The following CHRD variants were observed in gnomAD, a reference collection of about 807,000 sequenced individuals.
CHRD encodes chordin.
CHRD carries 69 observed loss-of-function variants against 113.7 expected under a neutral mutation model. The observed-to-expected ratio is 0.61, with a 90% CI of 0.50 to 0.74. The LOEUF is 0.74. Ranked by LOEUF, CHRD falls within the 30% of genes least tolerant of loss-of-function variation. The pLI, the probability that CHRD is intolerant of heterozygous loss-of-function variation, is 0.00. For synonymous variants in CHRD, 561 were observed against 540.8 expected, an observed-to-expected ratio of 1.04 and a Z score of -0.52; for missense variants, 1,194 against 1,295.8, an observed-to-expected ratio of 0.92 and a Z score of 1.21.
rs199859929 is a variant in CHRD, at chr3:184,387,404, G to A, written c.2378G>A (p.Arg793Gln). ...TATTTTGATGGTGACCGGAGCTGGC[G>A]GGCAGCGGGTACGCGGTGGCACCCC... The change falls in exon 19 of 23, where the codon CGG (arginine) becomes CAG (glutamine). Residue 793 changes from arginine to glutamine, a missense_variant. Arg to Gln is a conservative substitution (Grantham distance 43, BLOSUM62 1). Transcript: ENST00000204604. This position sits in a 1 kb window ranked among gnomAD's most constrained non-coding sequence, Gnocchi z 6.1. The A allele has an allele frequency of 1.2e-5, 20 of 1,612,770 alleles. No individual in the cohort carries two copies. Among genetic ancestry groups the A allele is most frequent in the African/African-American group, 4.0e-5 (3 of 74,894 alleles).
In CHRD at chr3:184,380,712, G is replaced by T; in HGVS notation, c.169G>T (p.Val57Phe). ...CGCAGGCTGCACCTTCGGCGGGAAG[G>T]TCTATGCCTTGGACGAGACGTGGCA... is the stretch of plus-strand genomic sequence containing the variant. Residue 57 changes from valine (V) to phenylalanine (F), a missense_variant, in exon 2 of 23, where the codon GTC becomes TTC. Transcript: ENST00000204604. The surrounding 1 kb of genome is among the most constrained non-coding windows in gnomAD (Gnocchi z 6.3). 6.3e-7 allele frequency: 1 copy of T among 1,596,880 alleles called. No homozygotes were observed. The highest frequency in any genetic ancestry group is 1.1e-5 in the South Asian group (1 of 89,730).
intron 14 of CHRD, among the ~76,000 whole-genome samples, chr3:184,385,828 G>T (rs528092626): frequency 6.6e-6 from 1 of 152,166 alleles, no homozygotes; most frequent in East Asian, 1.9e-4. Context: ...ACCTCAGGGG[G>T]GTAGGTGGGA....
chr3:184,387,474 C>T lies in CHRD; in HGVS notation c.2448C>T (p.Cys816=), dbSNP rs1163035184. 1.2e-6 allele frequency: 2 copies of T among 1,604,140 alleles called. No homozygotes were observed. Among genetic ancestry groups the T allele is most frequent in the Non-Finnish European group, 1.7e-6 (2 of 1,175,686 alleles). ...TAATTAAGTGTGCTGTCTGCACCTG[C>T]AAGGTATGGCCACCCAATCTTCTCT... The change falls in exon 19 of 23, where the codon TGC becomes TGT. Residue 816 remains cysteine, a synonymous_variant. Coordinates refer to ENST00000204604, the Ensembl canonical transcript of CHRD. The surrounding 1 kb of genome is among the most constrained non-coding windows in gnomAD (Gnocchi z 6.1).
rs891483267 is a variant in CHRD, at chr3:184,387,555, G to A, written c.2451+78G>A. The stretch of plus-strand genomic sequence containing the variant: ...TGGGGAGGGGCTGCCAGGTGAGGAA[G>A]GCCCGTCCTTGGTGAGGAGGGCTCA... On this transcript the variant is annotated intron_variant, in intron 19 of 22. Coordinates refer to ENST00000204604, the Ensembl canonical transcript of CHRD. The surrounding 1 kb of genome is among the most constrained non-coding windows in gnomAD (Gnocchi z 6.1). 116 of 1,343,414 alleles carry A rather than the reference G, an allele frequency of 8.6e-5. 1 individual carries two copies. In the Middle Eastern group the frequency reaches 1.7e-3, roughly 20 times the overall value. The allele number at this position is 1,343,414 out of a possible 1,614,324, so 83.2% of individuals were successfully genotyped here.
In CHRD at chr3:184,388,429, A is replaced by ATCCATCCATCCG. The variant is rs1481346086; in HGVS notation, c.2555-155_2555-154insATCCATCCGTCC. Among the ~76,000 whole-genome samples the ATCCATCCATCCG allele has an allele frequency of 6.7e-6, 1 of 149,118 alleles. No homozygotes were observed. The highest frequency in any genetic ancestry group is 2.6e-5 in the African/African-American group (1 of 39,172). ...CATCCATCCATCCATCCATCCATCC[A>ATCCATCCATCCG]TCCGTCCCTTCATCCATCCATTCAT... On this transcript the variant is annotated intron_variant, in intron 20 of 22. Coordinates refer to ENST00000204604, the Ensembl canonical transcript of CHRD. This position sits in a 1 kb window ranked among gnomAD's most constrained non-coding sequence, Gnocchi z 6.1.
At chr3:184,389,323 ACTCCCTCTCCC>A in intron 22 of CHRD, 33 bp from the exon 23 acceptor site, 1 of 1,588,022 alleles carries the variant, frequency 6.3e-7, no homozygotes, top group Non-Finnish European at 8.6e-7. Flanking sequence ...GTGCCTCTCC[ACTCCCTCTCCC>A]CTCCTCCAAC....
chr3:184,380,442 C>T lies in CHRD; in HGVS notation c.124C>T (p.Pro42Ser). ...GCTGCCCATCCGTTCTGAGAAGGAG[C>T]CGCTGCCCGTTCGGGGAGCGGCAGG... is the stretch of plus-strand genomic sequence containing the variant. The change falls in exon 1 of 23, where the codon CCG (proline) becomes TCG (serine). Residue 42 changes from proline (P) to serine (S), a missense_variant. Physicochemically the swap from Pro to Ser is moderately conservative, Grantham distance 74. Coordinates refer to ENST00000204604, the Ensembl canonical transcript of CHRD. The surrounding 1 kb of genome is among the most constrained non-coding windows in gnomAD (Gnocchi z 6.3). 1.6e-6 allele frequency: 2 copies of T among 1,248,566 alleles called. No homozygotes were observed. Among genetic ancestry groups the T allele is most frequent in the African/African-American group, 1.6e-5 (1 of 62,464 alleles). 77.3% of individuals were successfully genotyped at this position (1,248,566 alleles called of 1,614,324 possible).
chr3:184,382,441 C>T (rs777411613), exon 7 of CHRD: 2 of 1,614,074 alleles, frequency 1.2e-6, no homozygotes, highest in South Asian at 1.1e-5. Flanking sequence ...CTCCTTAGGG[C>T]AGAACAGCTG....
Position 184,380,394 on chromosome 3 carries a change from G to A in CHRD, c.76G>A (p.Gly26Ser). The A allele has an allele frequency of 7.5e-7, 1 of 1,341,784 alleles. No homozygotes were observed. Among genetic ancestry groups the A allele is most frequent in the Non-Finnish European group, 9.6e-7 (1 of 1,037,320 alleles). 83.1% of individuals were successfully genotyped at this position (1,341,784 alleles called of 1,614,324 possible). ...GCTGCTCGGCTCCCGGCCGGCCCGC[G>A]GCGCCGGCCCAGAGCCCCCCGTGCT... The change falls in exon 1 of 23, where the codon GGC becomes AGC. Residue 26 changes from glycine to serine, a missense_variant. Coordinates refer to ENST00000204604, the Ensembl canonical transcript of CHRD. The surrounding 1 kb of genome is among the most constrained non-coding windows in gnomAD (Gnocchi z 6.3).
At chr3:184,386,597 C>T (rs1244033201) in exon 16 of CHRD, 2 of 1,601,190 alleles carry the variant, frequency 1.2e-6, no homozygotes, top group East Asian at 4.5e-5. Flanking sequence ...TGCTGCGCCG[C>T]CTGTGGTGCC....
Position 184,381,034 on chromosome 3 carries a change from C to T in CHRD, c.253-201C>T. On this transcript the variant is annotated intron_variant, in intron 2 of 22. Coordinates refer to ENST00000204604, the Ensembl canonical transcript of CHRD. This position sits in a 1 kb window ranked among gnomAD's most constrained non-coding sequence, Gnocchi z 4.7. ...TTCCCTGCTCATCTAACTCTCATGG[C>T]AGCCTTGCTAGATAGAGAGTATTAT... 1.3e-6 allele frequency: 1 copy of T among 754,964 alleles called. No homozygotes were observed. The highest frequency in any genetic ancestry group is 1.5e-5 in the South Asian group (1 of 67,832). 46.8% of individuals were successfully genotyped at this position (754,964 alleles called of 1,614,324 possible).
In CHRD at chr3:184,384,384, G is replaced by A. The variant is rs1715957492; in HGVS notation, c.1441-153G>A. ...TGTTACATAGCTAGGAAGCAGCAGG[G>A]GAGGGCCTTGAAACTGGGCCTGCCA... On this transcript the variant is annotated intron_variant, in intron 12 of 22. Coordinates refer to ENST00000204604, the Ensembl canonical transcript of CHRD. The surrounding 1 kb of genome is among the most constrained non-coding windows in gnomAD (Gnocchi z 4.4). 6.6e-6 allele frequency among the ~76,000 whole-genome samples: 1 copy of A among 152,204 alleles called. No homozygotes were observed. Among genetic ancestry groups the A allele is most frequent in the Admixed American group, 6.5e-5 (1 of 15,286 alleles).
rs1470883308 is a variant in CHRD, at chr3:184,381,557, G to A, written c.444G>A (p.Glu148=). The A allele has an allele frequency of 1.9e-6, 3 of 1,609,032 alleles. No homozygotes were observed. In the South Asian group the frequency reaches 3.3e-5, roughly 18 times the overall value. ...CCTTCGAGTATCCGCGGGACCCGGA[G>A]CATCGCAGTTATAGCGACCGCGGGG... is the stretch of plus-strand genomic sequence containing the variant. Residue 148 remains glutamate, a synonymous_variant, in exon 4 of 23, where the codon GAG becomes GAA. Transcript: ENST00000204604. The surrounding 1 kb of genome is among the most constrained non-coding windows in gnomAD (Gnocchi z 4.7).
rs375176972 is a variant in CHRD at position 184,383,179 on chromosome 3, G to A, written c.1213+16G>A. 4.4e-6 allele frequency: 7 copies of A among 1,593,832 alleles called. No homozygotes were observed. Among genetic ancestry groups the A allele is most frequent in the African/African-American group, 2.7e-5 (2 of 74,652 alleles). ...AGCTGCGACGGTGAGGCGGGGGGGG[G>A]GCCTGGTGCGCCGGGCATGCACAAC... On this transcript the variant is annotated intron_variant, in intron 10 of 22. Transcript: ENST00000204604.
At position 184,388,919 on chromosome 3, in the gene CHRD, T is replaced by C; in HGVS notation, c.2736T>C (p.Asp912=). Residue 912 remains aspartate, a synonymous_variant, in exon 22 of 23, where the codon GAT becomes GAC. Transcript: ENST00000204604. This position sits in a 1 kb window ranked among gnomAD's most constrained non-coding sequence, Gnocchi z 6.1. ...CAGGGGTGCCTCACTGTGAGCGGGA[T>C]GACTGTTCACTGCCACTGTCCTGTG... is the stretch of plus-strand genomic sequence containing the variant. 1 of 1,613,422 alleles carries C rather than the reference T, an allele frequency of 6.2e-7. No individual in the cohort carries two copies. The highest frequency in any genetic ancestry group is 8.5e-7 in the Non-Finnish European group (1 of 1,179,934).
chr3:184,381,747 G>T lies in CHRD; in HGVS notation c.543G>T (p.Ser181=). 1.2e-6 allele frequency: 2 copies of T among 1,613,080 alleles called. No homozygotes were observed. The highest frequency in any genetic ancestry group is 1.7e-6 in the Non-Finnish European group (2 of 1,179,948). Residue 181 remains serine (S), a synonymous_variant, in exon 5 of 23, where the codon TCG becomes TCT. Coordinates refer to ENST00000204604, the Ensembl canonical transcript of CHRD. This position sits in a 1 kb window ranked among gnomAD's most constrained non-coding sequence, Gnocchi z 4.7. ...TGGCGCTGCTGACAGGGCCGAGGTC[G>T]CAGGCGGTGGCACGAGCCCGAGTCT...
In CHRD at chr3:184,380,586, G is replaced by T. The variant is rs1647173042; in HGVS notation, c.149-106G>T. Reference sequence around the variant, plus strand: ...GCGGCGGGCGGCCCGGAGGGTGGGCGGGGGCAGAAGGGCGCGGTGCCTGGG... The same window carrying T: ...GCGGCGGGCGGCCCGGAGGGTGGGCTGGGGCAGAAGGGCGCGGTGCCTGGG... On this transcript the variant is annotated intron_variant, in intron 1 of 22. Transcript: ENST00000204604. This position sits in a 1 kb window ranked among gnomAD's most constrained non-coding sequence, Gnocchi z 6.3. 9.6e-7 allele frequency: 1 copy of T among 1,039,514 alleles called. No homozygotes were observed. Among genetic ancestry groups the T allele is most frequent in the African/African-American group, 1.7e-5 (1 of 59,108 alleles). 64.4% of individuals were successfully genotyped at this position (1,039,514 alleles called of 1,614,324 possible). A position where few individuals can be genotyped will look rare whatever the true frequency, so the allele number is the denominator to read the frequency against.
chr3:184,384,026 C>G lies in CHRD; in HGVS notation c.1440+384C>G, dbSNP rs1209155105. Among the ~76,000 whole-genome samples the G allele has an allele frequency of 6.6e-6, 1 of 152,114 alleles. No homozygotes were observed. The highest frequency in any genetic ancestry group is 2.4e-5 in the African/African-American group (1 of 41,422). On this transcript the variant is annotated intron_variant, in intron 12 of 22. Coordinates refer to ENST00000204604, the Ensembl canonical transcript of CHRD. This position sits in a 1 kb window ranked among gnomAD's most constrained non-coding sequence, Gnocchi z 4.4. ...TCTTGACCTCATGGTCCGCCCACTT[C>G]GGCCTCCCAAAGTGCTGGGATTACA...
Position 184,383,303 on chromosome 3 carries a change from C to T in CHRD, c.1214-9C>T, listed in dbSNP as rs766916476. On this transcript the variant is annotated splice_polypyrimidine_tract_variant and intron_variant, in intron 10 of 22. Transcript: ENST00000204604. ...TAAACCTAGCCTCACCTGTCTTGCC[C>T]CTCCGTAGTCCTGCAAAGTGTCCTT... 2 of 1,611,922 alleles carry T rather than the reference C, an allele frequency of 1.2e-6. No homozygotes were observed. The highest frequency in any genetic ancestry group is 2.2e-5 in the South Asian group (2 of 90,992).
Sources: allele counts gnomAD v4.1 joint callset (sites outside exome capture counted in the v4.1 genomes callset), GRCh38; gene constraint gnomAD v4.1.1; non-coding constraint Gnocchi (gnomAD v3.1); transcripts MANE v1.5; gene names NCBI Gene and HGNC (gene_info 2026-07-23, HGNC 2026-07-21).